Variants in RNF144A observed in about 807,000 individuals in gnomAD.
RNF144A encodes ring finger protein 144A, also known as E3 ubiquitin-protein ligase RNF144A.
In RNF144A, 11 loss-of-function variants were observed where a neutral mutation model predicts 38.7. The observed-to-expected ratio is 0.28, with a 90% CI of 0.18 to 0.47. The LOEUF (loss-of-function observed/expected upper bound fraction) is 0.47. Among genes scored for constraint, RNF144A ranks in the 20% least tolerant of loss-of-function variants. RNF144A has a pLI of 0.99. For synonymous variants in RNF144A, 149 were observed against 143.9 expected, an observed-to-expected ratio of 1.04 and a Z score of -0.25; for missense variants, 316 against 377.2, an observed-to-expected ratio of 0.84 and a Z score of 1.34.
At chr2:6,929,365 C>T (rs1665072906) in intron 1 of RNF144A, among the ~76,000 whole-genome samples, 1 of 152,180 alleles carries the variant, frequency 6.6e-6, no homozygotes, top group Admixed American at 6.5e-5. Context: ...TTATTTGTTG[C>T]ACTTCCATAG....
the RNF144A span, chr2:7,074,492 C>T: frequency 6.6e-6 from 1 of 152,302 alleles, no homozygotes; most frequent in Non-Finnish European, 1.5e-5. Flanking sequence ...TTCAATTGTA[C>T]TTACAGCTTT....
At chr2:7,017,703 A>G (rs866653575) in intron 5 of RNF144A, among the ~76,000 whole-genome samples, 3 of 152,160 alleles carry the variant, frequency 2.0e-5, no homozygotes, top group Non-Finnish European at 4.4e-5. Flanking sequence ...AAAGCATATC[A>G]TTTGCTTTGT....
intron 2 of RNF144A, among the ~76,000 whole-genome samples, chr2:6,989,129 C>T (rs1413547845): frequency 6.6e-6 from 1 of 152,194 alleles, no homozygotes; most frequent in Non-Finnish European, 1.5e-5. Flanking sequence ...GGATGTCATT[C>T]CTTCTGTGCC....
At chr2:6,998,044 A>G (rs2103392783) in intron 3 of RNF144A, among the ~76,000 whole-genome samples, 1 of 152,338 alleles carries the variant, frequency 6.6e-6, no homozygotes, top group East Asian at 1.9e-4. Flanking sequence ...GAATATCAAA[A>G]CTTCACATTG....
At chr2:7,063,069 G>A (rs139231182) in intron 6 of RNF144A, among the ~76,000 whole-genome samples, 42 of 152,276 alleles carry the variant, frequency 2.8e-4, no homozygotes, top group African/African-American at 9.6e-4. Flanking sequence ...TGGGGAGGAG[G>A]ACACCTAGTC....
intron 8 of RNF144A, among the ~76,000 whole-genome samples, chr2:7,036,613 A>G (rs181991832): frequency 2.6e-5 from 4 of 152,340 alleles, no homozygotes; most frequent in Admixed American, 2.6e-4. Context: ...GACCTCTGGA[A>G]TAGCTTTTTG....
intron 3 of RNF144A, among the ~76,000 whole-genome samples, chr2:7,002,009 A>G (rs1670139087): frequency 6.6e-6 from 1 of 152,222 alleles, no homozygotes; most frequent in African/African-American, 2.4e-5. Flanking sequence ...AAGTAATACG[A>G]TATTATTTCC....
downstream of RNF144A, among the ~76,000 whole-genome samples, chr2:7,046,516 G>A (rs984810852): frequency 6.6e-6 from 1 of 152,238 alleles, no homozygotes; most frequent in African/African-American, 2.4e-5. Context: ...GAGGATAAAT[G>A]AGGAAATGAC....
intron 1 of RNF144A, among the ~76,000 whole-genome samples, chr2:6,936,331 A>G (rs1223891894): frequency 2.0e-5 from 3 of 152,230 alleles, no homozygotes; most frequent in African/African-American, 7.2e-5. Context: ...ATAGATACAT[A>G]TGTACACACA....
Position 6,947,830 on chromosome 2 carries a change from C to T in RNF144A, c.-12+6683C>T, listed in dbSNP as rs531647345. Among the ~76,000 whole-genome samples the T allele has an allele frequency of 2.6e-5, 4 of 152,272 alleles. No individual in the cohort carries two copies. The South Asian group carries it at 6.2e-4, about 24-fold the overall frequency. ...GCCTGGCTCTGCCCTGTCCTGCCCA[C>T]GTGATCTGGAGAAGCCACTTCCCTC... On this transcript the variant is annotated intron_variant, in intron 2 of 8. Coordinates refer to ENST00000320892, the MANE Select transcript of RNF144A (RefSeq NM_014746.6).
rs748540904 is a variant in RNF144A, at chr2:6,985,270, CTTTTT to C, written c.-11-11627_-11-11623del. On this transcript the variant is annotated intron_variant, in intron 2 of 8. Coordinates refer to ENST00000320892, the MANE Select transcript of RNF144A (RefSeq NM_014746.6). ...GTTTTAATTCATCTCCCTCCCCCCT[CTTTTT>C]TTTTTTTTTTTTTTTTTTAACAATG... is the stretch of plus-strand genomic sequence containing the variant. Among the ~76,000 whole-genome samples the C allele has an allele frequency of 8.4e-3, 879 of 104,688 alleles. 5 individuals carry two copies. The highest frequency in any genetic ancestry group is 0.02 in the African/African-American group (604 of 29,810). The allele number at this position is 104,688 out of a possible 152,430, so 68.7% of individuals were successfully genotyped here.
chr2:6,927,725 A>T (rs1486346387), intron 1 of RNF144A, among the ~76,000 whole-genome samples: 1 of 152,226 alleles, frequency 6.6e-6, no homozygotes, highest in Non-Finnish European at 1.5e-5. Context: ...GTACCCAGTC[A>T]TAATTGTTAT....
chr2:7,074,908 T>C, the RNF144A span, among the ~76,000 whole-genome samples: 1 of 152,218 alleles, frequency 6.6e-6, no homozygotes, highest in Non-Finnish European at 1.5e-5. Flanking sequence ...GATCAAAGAA[T>C]GACATGGAAG....
downstream of RNF144A, among the ~76,000 whole-genome samples, chr2:7,070,449 A>G (rs1674424708): frequency 6.6e-6 from 1 of 152,208 alleles, no homozygotes; most frequent in Non-Finnish European, 1.5e-5. Flanking sequence ...GACTGCTTTG[A>G]AGAGGCTAGC....
intron 3 of RNF144A, among the ~76,000 whole-genome samples, chr2:7,011,450 G>A (rs562356807): frequency 1.3e-5 from 2 of 152,316 alleles, no homozygotes; most frequent in South Asian, 4.1e-4. Flanking sequence ...CTTGGAATCA[G>A]CCACATGTGG....
chr2:7,013,644 G>T (rs1302787164), intron 3 of RNF144A, among the ~76,000 whole-genome samples: 2 of 152,186 alleles, frequency 1.3e-5, no homozygotes, highest in Admixed American at 6.6e-5. Flanking sequence ...GCTGGCAAAG[G>T]CCGTATTGTT....
intron 6 of RNF144A, among the ~76,000 whole-genome samples, chr2:7,055,203 TA>T (rs1673685193): frequency 6.6e-6 from 1 of 152,204 alleles, no homozygotes; most frequent in South Asian, 2.1e-4. Flanking sequence ...ATGATGGAAT[TA>T]TTCAATCCTG....
rs1197508572 is a variant in RNF144A at position 7,042,293 on chromosome 2, G to C, written c.*2533G>C. The C allele has an allele frequency of 2.0e-6, 2 of 985,444 alleles. No individual in the cohort carries two copies. The highest frequency in any genetic ancestry group is 2.4e-6 in the Non-Finnish European group (2 of 829,936). The allele number at this position is 985,444 out of a possible 1,614,324, so 61.0% of individuals were successfully genotyped here. ...GCAGATGGCCCTGGGTTTGGACTTT[G>C]ATCTTGCCATCATTCCCCAGTAAAA... On this transcript the variant is annotated 3_prime_UTR_variant, in exon 9 of 9. Coordinates refer to ENST00000320892, the MANE Select transcript of RNF144A (RefSeq NM_014746.6).
intron 2 of RNF144A, among the ~76,000 whole-genome samples, chr2:6,981,254 C>G (rs184883928): frequency 1.5e-3 from 227 of 152,280 alleles, no homozygotes; most frequent in African/African-American, 5.2e-3. Context: ...CTGCAGCGGG[C>G]TTGAATTTCT....
Sources: allele counts gnomAD v4.1 joint callset (sites outside exome capture counted in the v4.1 genomes callset), GRCh38; gene constraint gnomAD v4.1.1; transcripts MANE v1.5; gene names NCBI Gene and HGNC (gene_info 2026-07-23, HGNC 2026-07-21).